JMJD1C: variants seen among roughly 807,000 people sequenced by gnomAD.
JMJD1C encodes jumonji domain-containing protein 1C.
A neutral mutation model predicts 245.3 loss-of-function variants in JMJD1C; 31 were observed. The ratio of observed to expected loss-of-function variants is 0.13; its 90% CI spans 0.09 to 0.17. JMJD1C has a LOEUF of 0.17. Among genes scored for constraint, JMJD1C ranks in the 10% least tolerant of loss-of-function variants. The pLI, the probability that JMJD1C is intolerant of heterozygous loss-of-function variation, is 1.00. For synonymous variants in JMJD1C, 1,057 were observed against 1,017.4 expected (o/e 1.04, Z -0.74); for missense variants, 2,691 against 3,000.2 (o/e 0.90, Z 2.41).
At chr10:63,416,597 A>G (rs1589706416) in intron 1 of JMJD1C, among the ~76,000 whole-genome samples, 2 of 152,188 alleles carry the variant, frequency 1.3e-5, no homozygotes, top group African/African-American at 4.8e-5. Context: ...AACATCTGCT[A>G]AAGGTCAGAT....
intron 2 of JMJD1C, among the ~76,000 whole-genome samples, chr10:63,333,846 A>G (rs542262160): frequency 5.3e-5 from 8 of 152,344 alleles, no homozygotes; most frequent in Admixed American, 3.3e-4. Flanking sequence ...TCACCTTGAT[A>G]TAATTTCTTA....
intron 1 of JMJD1C, among the ~76,000 whole-genome samples, chr10:63,426,271 A>G (rs1440270507): frequency 1.3e-5 from 2 of 152,094 alleles, no homozygotes; most frequent in African/African-American, 4.8e-5. Context: ...TCCTCACAGG[A>G]TCCTTGGGGC....
intron 2 of JMJD1C, among the ~76,000 whole-genome samples, chr10:63,299,816 T>C (rs1470924291): frequency 6.6e-6 from 1 of 152,018 alleles, no homozygotes; most frequent in East Asian, 1.9e-4. Flanking sequence ...AGAGATGATT[T>C]TGCCTTGGAA....
intron 2 of JMJD1C, chr10:63,269,294 C>T (rs1856005613): frequency 1.3e-6 from 1 of 776,640 alleles, no homozygotes; most frequent in Non-Finnish European, 1.6e-6. Flanking sequence ...TCCCCCGTCA[C>T]AGGTGCTGAT....
At chr10:63,279,571 T>C (rs1857176800) in intron 2 of JMJD1C, among the ~76,000 whole-genome samples, 1 of 152,046 alleles carries the variant, frequency 6.6e-6, no homozygotes, top group Non-Finnish European at 1.5e-5. Flanking sequence ...GGTGGGAGGA[T>C]TGCTTTGAGA....
intron 1 of JMJD1C, among the ~76,000 whole-genome samples, chr10:63,442,475 A>G (rs1951448495): frequency 1.3e-5 from 2 of 152,240 alleles, no homozygotes. Context: ...GACTTAGGTC[A>G]TTATATCATC....
intron 10 of JMJD1C, 60 bp downstream of exon 10, chr10:63,206,535 C>G: frequency 1.5e-6 from 2 of 1,329,418 alleles, no homozygotes; most frequent in Non-Finnish European, 1.0e-6. Flanking sequence ...AAGCAGCACA[C>G]TAGTATAGCT....
At chr10:63,173,270 G>A (rs1414102624) in intron 24 of JMJD1C, among the ~76,000 whole-genome samples, 1 of 152,116 alleles carries the variant, frequency 6.6e-6, no homozygotes, top group Admixed American at 6.6e-5. Context: ...ATACAAAGAT[G>A]AACTACATTG....
At chr10:63,264,804 G>A (rs1287962702) in intron 2 of JMJD1C, 40 bp from the exon 3 acceptor site, 1 of 904,930 alleles carries the variant, frequency 1.1e-6, no homozygotes, top group Non-Finnish European at 1.8e-6. Flanking sequence ...AATTTTCTGG[G>A]TAGTATCCTG....
intron 3 of JMJD1C, among the ~76,000 whole-genome samples, chr10:63,225,241 C>T (rs1175584289): frequency 1.3e-5 from 2 of 152,068 alleles, no homozygotes; most frequent in East Asian, 1.9e-4. Context: ...AACCTCTCCT[C>T]CTATGTAAAC....
chr10:63,259,008 T>C lies in JMJD1C; in HGVS notation c.447+5643A>G, dbSNP rs567851260. 3.3e-5 allele frequency among the ~76,000 whole-genome samples: 5 copies of C among 152,308 alleles called. No individual in the cohort carries two copies. The South Asian group carries it at 6.2e-4, about 19-fold the overall frequency. On this transcript the variant is annotated intron_variant, in intron 3 of 25. Transcript: ENST00000399262. Reference sequence around the variant, plus strand: ...CCAGGTCAAATTCTCATTCACACTATAGAAATGTTACATTTTTAAAACAAT... The same window carrying C: ...CCAGGTCAAATTCTCATTCACACTACAGAAATGTTACATTTTTAAAACAAT...
At chr10:63,200,334 A>G (rs1845880596) in intron 11 of JMJD1C, 142 bp downstream of exon 11, 1 of 646,306 alleles carries the variant, frequency 1.5e-6, no homozygotes, top group South Asian at 2.0e-5. Flanking sequence ...AAAACATTTA[A>G]TAACTCTTTT....
intron 2 of JMJD1C, among the ~76,000 whole-genome samples, chr10:63,276,884 C>CTTTTTT (rs760452367): frequency 0.027 from 2,608 of 96,164 alleles, 496 homozygotes; most frequent in Middle Eastern, 0.045. Context: ...AAGCTTGGGG[C>CTTTTTT]TTTTTTTTTT....
At chr10:63,393,158 A>C (rs956690525) in intron 1 of JMJD1C, among the ~76,000 whole-genome samples, 1 of 152,054 alleles carries the variant, frequency 6.6e-6, no homozygotes, top group Non-Finnish European at 1.5e-5. Flanking sequence ...GTCCCAGCTA[A>C]TCAGGAGACT....
At chr10:63,389,321 AAAAAAAAG>A (rs1947863685) in intron 1 of JMJD1C, among the ~76,000 whole-genome samples, 1 of 150,324 alleles carries the variant, frequency 6.7e-6, no homozygotes, top group Non-Finnish European at 1.5e-5. Flanking sequence ...CAAAAAAAAA[AAAAAAAAG>A]AAAAAGAAAA....
intron 1 of JMJD1C, among the ~76,000 whole-genome samples, chr10:63,451,404 T>A (rs939194278): frequency 6.6e-6 from 1 of 152,184 alleles, no homozygotes; most frequent in Non-Finnish European, 1.5e-5. Flanking sequence ...TCAAAAACGC[T>A]GCAGGACTGG....
At chr10:63,310,781 T>C (rs1321039310) in intron 2 of JMJD1C, among the ~76,000 whole-genome samples, 2 of 151,886 alleles carry the variant, frequency 1.3e-5, no homozygotes, top group East Asian at 1.9e-4. Flanking sequence ...CAACTTTCTA[T>C]TGACAATAGG....
intron 2 of JMJD1C, among the ~76,000 whole-genome samples, chr10:63,314,727 C>A (rs9733126): frequency 0.67 from 101,299 of 151,584 alleles, 36,308 homozygotes; most frequent in Non-Finnish European, 0.81. Flanking sequence ...AGCTCACTGC[C>A]ACCTCCACCA....
intron 18 of JMJD1C, among the ~76,000 whole-genome samples, chr10:63,188,205 T>A (rs1844354446): frequency 6.6e-6 from 1 of 152,234 alleles, no homozygotes; most frequent in Admixed American, 6.5e-5. Context: ...CAATTATTTG[T>A]GTGACGCTTT....
Sources: allele counts gnomAD v4.1 joint callset (sites outside exome capture counted in the v4.1 genomes callset), GRCh38; gene constraint gnomAD v4.1.1; transcripts MANE v1.5; gene names NCBI Gene and HGNC (gene_info 2026-07-23, HGNC 2026-07-21).